VPS13B: variants seen among roughly 807,000 people sequenced by gnomAD.
The protein encoded by VPS13B is vacuolar protein sorting 13 homolog B, also known as intermembrane lipid transfer protein VPS13B.
Under a neutral mutation model 426.4 loss-of-function variants are expected in VPS13B, and 285 were observed. The observed-to-expected ratio is 0.67, with a 90% CI of 0.61 to 0.74. The LOEUF (loss-of-function observed/expected upper bound fraction) is 0.74. VPS13B is among the 30% of genes least tolerant of loss of function. The probability of loss-of-function intolerance (pLI) is 0.00; values close to 1 mark genes in which losing one functional copy is unlikely to be tolerated. For missense variants in VPS13B, 4,537 were observed against 4,782.6 expected (o/e 0.95, Z 1.51); for synonymous variants, 1,676 against 1,676.4 (o/e 1.00, Z 0.01).
rs1271209491 is a variant in VPS13B at position 99,821,372 on chromosome 8, C to G, written c.9073C>G (p.Leu3025Val). ...AGTAGCAATTAAACTGGTCCATAAC[C>G]TGACATCTCCAAAGTGGAAAGATGG... Reference protein sequence around the residue: ...KSVAIKLVHNLTSPKWKDGGN... With the variant: ...KSVAIKLVHNVTSPKWKDGGN... Residue 3025 changes from leucine to valine, a missense_variant, in exon 50 of 62, where the codon CTG becomes GTG. Leu to Val is a conservative substitution (Grantham distance 32). Coordinates refer to ENST00000357162, the MANE Select transcript of VPS13B (RefSeq NM_152564.5). 1.9e-6 allele frequency: 3 copies of G among 1,613,798 alleles called. No individual in the cohort carries two copies. Among genetic ancestry groups the G allele is most frequent in the Non-Finnish European group, 1.7e-6 (2 of 1,179,820 alleles).
intron 3 of VPS13B, among the ~76,000 whole-genome samples, chr8:99,048,108 AATG>A (rs1220127790): frequency 6.6e-6 from 1 of 152,222 alleles, no homozygotes; most frequent in Non-Finnish European, 1.5e-5. Flanking sequence ...TTGTTGACCC[AATG>A]ATCACTCAGA....
intron 2 of VPS13B, among the ~76,000 whole-genome samples, chr8:99,030,780 TTCA>T (rs1289613021): frequency 1.3e-5 from 2 of 152,236 alleles, no homozygotes; most frequent in African/African-American, 4.8e-5. Flanking sequence ...CATGATTTCA[TTCA>T]TAACCATTGT....
At chr8:99,683,754 C>A (rs539025436) in intron 35 of VPS13B, among the ~76,000 whole-genome samples, 2 of 152,064 alleles carry the variant, frequency 1.3e-5, no homozygotes, top group Non-Finnish European at 2.9e-5. Flanking sequence ...GGAGCTTTTC[C>A]GTAGATTCTT....
chr8:99,234,509 G>A (rs1175326288), intron 17 of VPS13B: 2 of 514,646 alleles, frequency 3.9e-6, no homozygotes, highest in East Asian at 5.4e-5. Context: ...TAGGGAAGGG[G>A]CTTCCGCGGG....
At chr8:99,149,079 C>T (rs1463204237) in intron 14 of VPS13B, among the ~76,000 whole-genome samples, 1 of 152,202 alleles carries the variant, frequency 6.6e-6, no homozygotes, top group Non-Finnish European at 1.5e-5. Context: ...TGAGTATTGC[C>T]TTCATGGCAT....
chr8:99,751,928 T>C (rs904380038), intron 39 of VPS13B, among the ~76,000 whole-genome samples: 7 of 152,228 alleles, frequency 4.6e-5, no homozygotes, highest in Non-Finnish European at 4.4e-5. Context: ...AGTTGTATTA[T>C]AGTAGAGGAC....
At chr8:99,714,204 C>T (rs1336112395) in intron 36 of VPS13B, among the ~76,000 whole-genome samples, 1 of 151,614 alleles carries the variant, frequency 6.6e-6, no homozygotes, top group Non-Finnish European at 1.5e-5. Context: ...AAAGGGCTCC[C>T]AATGGCCAAA....
At chr8:99,543,537 G>T (rs1161407908) in intron 30 of VPS13B, among the ~76,000 whole-genome samples, 2 of 151,934 alleles carry the variant, frequency 1.3e-5, no homozygotes, top group African/African-American at 4.8e-5. Context: ...CCTACAAAAT[G>T]GGAGAAAATT....
At chr8:99,379,349 T>C (rs1813668461) in intron 19 of VPS13B, among the ~76,000 whole-genome samples, 1 of 152,222 alleles carries the variant, frequency 6.6e-6, no homozygotes, top group African/African-American at 2.4e-5. Context: ...ACATTTTTTT[T>C]TGGCGGATGG....
At chr8:99,136,814 G>A in intron 12 of VPS13B, 62 bp downstream of exon 12, 1 of 1,503,086 alleles carries the variant, frequency 6.7e-7, no homozygotes, top group East Asian at 2.3e-5. Context: ...GCCTTCCTCA[G>A]AATCAATTGG....
At chr8:99,676,373 G>A (rs530301645) in intron 35 of VPS13B, among the ~76,000 whole-genome samples, 1 of 152,074 alleles carries the variant, frequency 6.6e-6, no homozygotes, top group Admixed American at 6.5e-5. Context: ...TTTCATAGGG[G>A]CTATGGGATC....
intron 16 of VPS13B, among the ~76,000 whole-genome samples, chr8:99,188,969 G>A (rs915669032): frequency 1.3e-5 from 2 of 152,236 alleles, no homozygotes; most frequent in South Asian, 2.1e-4. Context: ...GAGCGATCTC[G>A]GCTCACTGCA....
chr8:99,539,409 T>C (rs924831678), intron 30 of VPS13B, among the ~76,000 whole-genome samples: 1 of 152,204 alleles, frequency 6.6e-6, no homozygotes, highest in Non-Finnish European at 1.5e-5. Context: ...GTCCACAAAA[T>C]ATGAATTGCA....
At chr8:99,053,595 G>C (rs1000835113) in intron 3 of VPS13B, among the ~76,000 whole-genome samples, 3 of 150,472 alleles carry the variant, frequency 2.0e-5, no homozygotes, top group African/African-American at 7.3e-5. Flanking sequence ...TTGTCATTTT[G>C]TGTCTGGCTT....
At chr8:99,397,692 A>G (rs2133327315) in intron 21 of VPS13B, among the ~76,000 whole-genome samples, 1 of 152,304 alleles carries the variant, frequency 6.6e-6, no homozygotes, top group African/African-American at 2.4e-5. Context: ...AGTGGCCTTC[A>G]TTGCCAGGCT....
chr8:99,590,405 C>T (rs1345587953), intron 33 of VPS13B, among the ~76,000 whole-genome samples: 3 of 152,108 alleles, frequency 2.0e-5, no homozygotes, highest in Non-Finnish European at 4.4e-5. Flanking sequence ...TCTTGCTTCT[C>T]TAATTCTTTT....
At chr8:99,429,085 A>G (rs545228541) in intron 21 of VPS13B, among the ~76,000 whole-genome samples, 2 of 152,174 alleles carry the variant, frequency 1.3e-5, no homozygotes, top group African/African-American at 2.4e-5. Flanking sequence ...AACAATGAGA[A>G]CACATGGACA....
chr8:99,341,941 G>C (rs1342069182), intron 19 of VPS13B, among the ~76,000 whole-genome samples: 1 of 152,162 alleles, frequency 6.6e-6, no homozygotes, highest in Non-Finnish European at 1.5e-5. Context: ...GGCTGGGAGA[G>C]TTTTCCATTT....
At chr8:99,486,608 G>T (rs184634982) in intron 25 of VPS13B, among the ~76,000 whole-genome samples, 5 of 152,288 alleles carry the variant, frequency 3.3e-5, no homozygotes, top group African/African-American at 1.2e-4. Flanking sequence ...CTGAAGCCTA[G>T]TGTCTAGTGT....
Sources: gnomAD v4.1 joint callset for allele counts (sites outside exome capture counted in the v4.1 genomes callset) on GRCh38, gnomAD v4.1.1 for gene constraint, MANE v1.5 for transcripts, NCBI Gene and HGNC (gene_info 2026-07-23, HGNC 2026-07-21) for gene names.